The following POU6F2 variants were observed in gnomAD, a reference collection of about 807,000 sequenced individuals.
POU6F2 encodes POU domain, class 6, transcription factor 2.
Under a neutral mutation model 71.3 loss-of-function variants are expected in POU6F2, and 31 were observed. That is an observed-to-expected ratio of 0.43 (90% CI 0.33 to 0.59). The LOEUF (loss-of-function observed/expected upper bound fraction) is 0.59. POU6F2 is among the 20% of genes least tolerant of loss of function. The probability of loss-of-function intolerance (pLI) is 0.04; values close to 1 mark genes in which losing one functional copy is unlikely to be tolerated. For synonymous variants in POU6F2, 347 were observed against 355.7 expected, an observed-to-expected ratio of 0.98 and a Z score of 0.27; for missense variants, 783 against 856.8, an observed-to-expected ratio of 0.91 and a Z score of 1.07.
intron 1 of POU6F2, among the ~76,000 whole-genome samples, chr7:39,013,737 C>G (rs141518949): frequency 6.6e-6 from 1 of 152,118 alleles, no homozygotes; most frequent in Admixed American, 6.5e-5. Flanking sequence ...TTTCTATTAA[C>G]GGCATTTGTC....
intron 4 of POU6F2, among the ~76,000 whole-genome samples, chr7:39,318,636 A>G (rs1484107688): frequency 2.6e-5 from 4 of 152,184 alleles, no homozygotes; most frequent in Admixed American, 2.6e-4. Flanking sequence ...TAGGAAAAAA[A>G]CAAAGCAAGG....
intron 4 of POU6F2, among the ~76,000 whole-genome samples, chr7:39,300,935 ACTAC>A (rs1345139954): frequency 6.6e-6 from 1 of 152,154 alleles, no homozygotes; most frequent in Non-Finnish European, 1.5e-5. Flanking sequence ...CGGGAAACTC[ACTAC>A]CACTTTTGCA....
intron 4 of POU6F2, among the ~76,000 whole-genome samples, chr7:39,233,549 G>A (rs1434281979): frequency 1.3e-5 from 2 of 152,158 alleles, no homozygotes; most frequent in Non-Finnish European, 2.9e-5. Context: ...CCAGCACATA[G>A]GAGGAATCCT....
intron 1 of POU6F2, among the ~76,000 whole-genome samples, chr7:39,074,244 G>A (rs753816717): frequency 1.3e-5 from 2 of 152,202 alleles, no homozygotes; most frequent in South Asian, 2.1e-4. Context: ...AGCACTTTGC[G>A]AGGCTGAGGC....
chr7:39,464,721 C>T lies in POU6F2; in HGVS notation c.*35C>T, dbSNP rs1215943954. ...CACCCATAATCAGAAGCAAAATTCA[C>T]AGAAACTAAACTCCACCCTTGGGAC... On this transcript the variant is annotated 3_prime_UTR_variant, in exon 10 of 10. Transcript: ENST00000518318. The surrounding 1 kb of genome is among the most constrained non-coding windows in gnomAD (Gnocchi z 4.1). 12 of 1,556,052 alleles carry T rather than the reference C, an allele frequency of 7.7e-6. No individual in the cohort carries two copies. Among genetic ancestry groups the T allele is most frequent in the Admixed American group, 1.9e-5 (1 of 53,158 alleles).
At chr7:39,371,119 C>G (rs149105926) in intron 5 of POU6F2, among the ~76,000 whole-genome samples, 73 of 151,790 alleles carry the variant, frequency 4.8e-4, no homozygotes, top group Middle Eastern at 3.5e-3. Context: ...CTTATCTTTA[C>G]AGTCAATGGA....
chr7:39,356,064 C>A (rs188594341), intron 5 of POU6F2, among the ~76,000 whole-genome samples: 102 of 152,320 alleles, frequency 6.7e-4, no homozygotes, highest in African/African-American at 2.4e-3. Context: ...CCCACCTACT[C>A]TGGCCCCAAG....
At chr7:39,273,292 A>G (rs1583489000) in intron 4 of POU6F2, among the ~76,000 whole-genome samples, 1 of 152,168 alleles carries the variant, frequency 6.6e-6, no homozygotes, top group Non-Finnish European at 1.5e-5. Flanking sequence ...ACAGTGAACA[A>G]ACCTAGAAAA....
At chr7:39,071,996 A>AC (rs1376352024) in intron 1 of POU6F2, among the ~76,000 whole-genome samples, 1 of 152,220 alleles carries the variant, frequency 6.6e-6, no homozygotes, top group Non-Finnish European at 1.5e-5. Flanking sequence ...AGATTGGAAC[A>AC]CCAAGGGCAA....
At chr7:39,371,099 A>G (rs932091739) in intron 5 of POU6F2, among the ~76,000 whole-genome samples, 1 of 152,202 alleles carries the variant, frequency 6.6e-6, no homozygotes, top group Admixed American at 6.5e-5. Context: ...CAGTGGTGGA[A>G]GGAAGAATAC....
intron 5 of POU6F2, among the ~76,000 whole-genome samples, chr7:39,375,870 G>C (rs1786701541): frequency 6.6e-6 from 1 of 152,052 alleles, no homozygotes; most frequent in East Asian, 1.9e-4. Context: ...TTTTGTTGTT[G>C]TTGTTGTTTC....
intron 1 of POU6F2, among the ~76,000 whole-genome samples, chr7:39,031,870 G>C (rs976556857): frequency 1.3e-5 from 2 of 150,682 alleles, no homozygotes; most frequent in African/African-American, 4.9e-5. Context: ...AACAGAGGGA[G>C]ACTGCCTCAA....
intron 1 of POU6F2, among the ~76,000 whole-genome samples, chr7:39,025,646 C>T (rs1789783715): frequency 6.6e-6 from 1 of 151,554 alleles, no homozygotes; most frequent in Non-Finnish European, 1.5e-5. Flanking sequence ...CATAAAAACC[C>T]TAAAAGAAAA....
At chr7:39,319,300 CTCTT>C (rs1785337445) in intron 4 of POU6F2, among the ~76,000 whole-genome samples, 1 of 152,184 alleles carries the variant, frequency 6.6e-6, no homozygotes. Flanking sequence ...TAGTTTCTGA[CTCTT>C]TCAGAGGAAA....
chr7:39,379,532 C>G (rs1786782129), intron 5 of POU6F2, among the ~76,000 whole-genome samples: 1 of 152,140 alleles, frequency 6.6e-6, no homozygotes, highest in South Asian at 2.1e-4. Flanking sequence ...TGTTAAGGGA[C>G]AGGCACAAAT....
chr7:39,014,479 A>C (rs1272867364), intron 1 of POU6F2, among the ~76,000 whole-genome samples: 1 of 152,188 alleles, frequency 6.6e-6, no homozygotes, highest in African/African-American at 2.4e-5. Context: ...TTAATGTTAA[A>C]TCTTTCTCCT....
intron 1 of POU6F2, among the ~76,000 whole-genome samples, chr7:38,993,242 T>C (rs894097740): frequency 6.6e-6 from 1 of 152,080 alleles, no homozygotes; most frequent in Non-Finnish European, 1.5e-5. Flanking sequence ...TTCCTATATA[T>C]ATTCTTTTTA....
At chr7:39,166,392 C>T (rs180901406) in intron 2 of POU6F2, among the ~76,000 whole-genome samples, 2 of 152,316 alleles carry the variant, frequency 1.3e-5, no homozygotes, top group East Asian at 3.9e-4. Context: ...TTGGCTTGAC[C>T]TCTAGTATCT....
At position 39,087,249 on chromosome 7, in the gene POU6F2, C is replaced by G. The variant is rs374692446; in HGVS notation, c.277+1218C>G. ...TGAGAGTTTGGCAACTCTAGGCTAGCGTGCTTCAACCGACAATCTTTTCCC... is the reference window on the plus strand; with the variant it reads ...TGAGAGTTTGGCAACTCTAGGCTAGGGTGCTTCAACCGACAATCTTTTCCC... On this transcript the variant is annotated intron_variant, in intron 2 of 9. Transcript: ENST00000518318. Among the ~76,000 whole-genome samples, 23 of 151,672 alleles carry G rather than the reference C, an allele frequency of 1.5e-4. No individual in the cohort carries two copies. The South Asian group carries it at 4.6e-3, about 30-fold the overall frequency.
Sources: gnomAD v4.1 joint callset for allele counts (sites outside exome capture counted in the v4.1 genomes callset) on GRCh38, gnomAD v4.1.1 for gene constraint, Gnocchi (gnomAD v3.1) non-coding constraint, MANE v1.5 for transcripts, NCBI Gene and HGNC (gene_info 2026-07-23, HGNC 2026-07-21) for gene names.